The following TET1 variants were observed in gnomAD, a reference collection of about 807,000 sequenced individuals.
The protein encoded by TET1 is methylcytosine dioxygenase TET1.
TET1 carries 13 observed loss-of-function variants against 148.7 expected under a neutral mutation model. The ratio of observed to expected loss-of-function variants is 0.09; its 90% CI spans 0.06 to 0.14. The LOEUF (loss-of-function observed/expected upper bound fraction) is 0.14. Ranked by LOEUF, TET1 falls within the 10% of genes least tolerant of loss-of-function variation. The pLI, the probability that TET1 is intolerant of heterozygous loss-of-function variation, is 1.00. For missense variants in TET1, 2,182 were observed against 2,553.8 expected (o/e 0.85, Z 3.14); for synonymous variants, 907 against 937.2 (o/e 0.97, Z 0.59).
At chr10:68,595,961 T>TATATATAC (rs1388095909) in intron 2 of TET1, among the ~76,000 whole-genome samples, 26 of 37,276 alleles carry the variant, frequency 7.0e-4, no homozygotes, top group African/African-American at 2.2e-3. Context: ...TATATATATA[T>TATATATAC]ACACACACAC....
chr10:68,640,839 C>CCA (rs1262742688), intron 3 of TET1, among the ~76,000 whole-genome samples: 2 of 151,590 alleles, frequency 1.3e-5, no homozygotes, highest in East Asian at 3.9e-4. Context: ...GTGTGAGCCA[C>CCA]CACCCAGCCT....
chr10:68,652,046 G>A (rs571494592), intron 5 of TET1, 110 bp downstream of exon 5: 3 of 1,036,496 alleles, frequency 2.9e-6, no homozygotes, highest in Non-Finnish European at 4.3e-6. Flanking sequence ...TCAGGAGTAT[G>A]AGTTGGATGT....
chr10:68,607,997 C>CGCGA (rs1378789882), intron 3 of TET1, among the ~76,000 whole-genome samples: 2 of 151,194 alleles, frequency 1.3e-5, no homozygotes, highest in South Asian at 4.2e-4. Flanking sequence ...GGTGCAATCT[C>CGCGA]GGCTCACTGC....
chr10:68,645,882 A>C lies in TET1; in HGVS notation c.3153A>C (p.Leu1051Phe), dbSNP rs749816952. ...RNNEVEYCNQ[L>F]LDSSKKLDSD... ...ATGAAGTGGAGTATTGCAACCAGTT[A>C]CTGGACAGCAGCAAAAAATTGGACT... Residue 1051 changes from leucine (L) to phenylalanine (F), a missense_variant, in exon 4 of 12, where the codon TTA (leucine) becomes TTC (phenylalanine). Physicochemically the swap from Leu to Phe is conservative, Grantham distance 22. Around this residue, in one of 11 missense-constraint regions of TET1, gnomAD observed 582 missense variants for 599.5 expected, o/e 0.97. Transcript: ENST00000373644. The C allele has an allele frequency of 5.0e-6, 8 of 1,614,010 alleles. No homozygotes were observed. The East Asian group carries it at 1.6e-4, about 31-fold the overall frequency.
intron 3 of TET1, among the ~76,000 whole-genome samples, chr10:68,611,291 A>AC (rs1465793806): frequency 7.0e-6 from 1 of 142,394 alleles, no homozygotes; most frequent in Non-Finnish European, 1.5e-5. Flanking sequence ...ACTCCTTCTC[A>AC]AAAAAAAAAA....
intron 7 of TET1, among the ~76,000 whole-genome samples, chr10:68,668,743 A>G (rs1456761456): frequency 2.0e-5 from 3 of 152,098 alleles, no homozygotes; most frequent in Non-Finnish European, 4.4e-5. Context: ...TGGGAGGCCG[A>G]CAAGGGAGGA....
At chr10:68,561,470 A>G (rs2053552261) in intron 1 of TET1, among the ~76,000 whole-genome samples, 1 of 152,196 alleles carries the variant, frequency 6.6e-6, no homozygotes, top group African/African-American at 2.4e-5. Flanking sequence ...AAACTCATTT[A>G]TGAGCACCAC....
intron 9 of TET1, among the ~76,000 whole-genome samples, chr10:68,682,093 CTTTTTTTTTTT>C (rs386371716): frequency 3.0e-5 from 2 of 67,050 alleles, no homozygotes; most frequent in East Asian, 5.4e-4. Flanking sequence ...TTGATCTACT[CTTTTTTTTTTT>C]TTTTTTTTTT....
At chr10:68,576,004 A>G (rs2053726177) in intron 2 of TET1, among the ~76,000 whole-genome samples, 1 of 149,034 alleles carries the variant, frequency 6.7e-6, no homozygotes, top group African/African-American at 2.5e-5. Flanking sequence ...TGGGTGACAG[A>G]GTGAGACTCC....
At chr10:68,599,116 CA>C (rs1224233380) in intron 2 of TET1, among the ~76,000 whole-genome samples, 4 of 152,214 alleles carry the variant, frequency 2.6e-5, no homozygotes, top group Non-Finnish European at 5.9e-5. Flanking sequence ...GCTTTTGTGG[CA>C]AACTGAAAGG....
chr10:68,608,385 G>A (rs951806007), intron 3 of TET1, among the ~76,000 whole-genome samples: 3 of 151,746 alleles, frequency 2.0e-5, no homozygotes, highest in African/African-American at 4.8e-5. Context: ...ACAGGCGTCC[G>A]CCACCATGCC....
intron 3 of TET1, among the ~76,000 whole-genome samples, chr10:68,616,580 G>C (rs139124255): frequency 1.3e-3 from 205 of 152,062 alleles, no homozygotes; most frequent in African/African-American, 4.7e-3. Context: ...CTCTCACCCT[G>C]GCGGGAATGC....
At chr10:68,675,706 T>A (rs10762237) in intron 8 of TET1, among the ~76,000 whole-genome samples, 111,580 of 151,668 alleles carry the variant, frequency 0.74, 42,256 homozygotes, top group East Asian at 0.83. Context: ...ATTACAGGCA[T>A]GAGACACTGT....
chr10:68,653,596 C>G (rs1431482732), intron 6 of TET1, among the ~76,000 whole-genome samples: 1 of 152,172 alleles, frequency 6.6e-6, no homozygotes, highest in African/African-American at 2.4e-5. Flanking sequence ...TGCATCTTTA[C>G]ATTTACATAT....
chr10:68,568,517 A>C (rs2053631816), intron 1 of TET1, among the ~76,000 whole-genome samples: 2 of 152,228 alleles, frequency 1.3e-5, no homozygotes, highest in Admixed American at 6.5e-5. Context: ...CTAGGATTAC[A>C]GGTGTGAGCC....
chr10:68,671,610 A>C (rs923841449), intron 7 of TET1, among the ~76,000 whole-genome samples: 2 of 152,046 alleles, frequency 1.3e-5, no homozygotes, highest in African/African-American at 4.8e-5. Flanking sequence ...TACAAGAAGA[A>C]TATATGGTAC....
intron 1 of TET1, among the ~76,000 whole-genome samples, chr10:68,561,568 G>T (rs2053553515): frequency 6.6e-6 from 1 of 152,158 alleles, no homozygotes; most frequent in Non-Finnish European, 1.5e-5. Context: ...GAGGTGCGCG[G>T]AGCTGGGTGC....
chr10:68,653,605 A>G (rs1041166468), intron 6 of TET1, among the ~76,000 whole-genome samples: 1 of 152,208 alleles, frequency 6.6e-6, no homozygotes, highest in Non-Finnish European at 1.5e-5. Flanking sequence ...ACATTTACAT[A>G]TGCCTTCTTT....
At chr10:68,570,679 G>A (rs2053659354) in intron 1 of TET1, among the ~76,000 whole-genome samples, 1 of 151,750 alleles carries the variant, frequency 6.6e-6, no homozygotes, top group Non-Finnish European at 1.5e-5. Context: ...ACCCAGGCTG[G>A]AGTGCAGTGG....
Sources: gnomAD v4.1 joint callset for allele counts (sites outside exome capture counted in the v4.1 genomes callset) on GRCh38, gnomAD v4.1.1 for gene constraint, gnomAD v4.1.1 regional missense constraint, MANE v1.5 for transcripts, NCBI Gene and HGNC (gene_info 2026-07-23, HGNC 2026-07-21) for gene names.